The following KDM4C variants were observed in gnomAD, a reference collection of about 807,000 sequenced individuals.
KDM4C encodes the protein lysine demethylase 4C.
Under a neutral mutation model 129.3 loss-of-function variants are expected in KDM4C, and 81 were observed. That is an observed-to-expected ratio of 0.63 (90% CI 0.52 to 0.75). The LOEUF is 0.75. Ranked by LOEUF, KDM4C falls within the 30% of genes least tolerant of loss-of-function variation. The probability of loss-of-function intolerance (pLI) is 0.00; values close to 1 mark genes in which losing one functional copy is unlikely to be tolerated. For synonymous variants in KDM4C, 573 were observed against 456.1 expected (o/e 1.26, Z -3.26); for missense variants, 1,457 against 1,304.0 (o/e 1.12, Z -1.81).
chr9:6,872,080 C>G (rs1006729382), intron 5 of KDM4C, among the ~76,000 whole-genome samples: 6 of 151,940 alleles, frequency 3.9e-5, no homozygotes, highest in African/African-American at 9.7e-5. Context: ...GAGGTTGACA[C>G]CTATGTGAGT....
chr9:7,166,612 A>G (rs1417341546), intron 20 of KDM4C, among the ~76,000 whole-genome samples: 9 of 152,216 alleles, frequency 5.9e-5, no homozygotes, highest in Non-Finnish European at 1.5e-5. Flanking sequence ...AAGACAGGCT[A>G]TAATACCGGA....
intron 8 of KDM4C, among the ~76,000 whole-genome samples, chr9:6,953,015 A>G (rs1462234473): frequency 6.6e-6 from 1 of 152,232 alleles, no homozygotes; most frequent in Non-Finnish European, 1.5e-5. Context: ...TTAAGGCAGC[A>G]GAATGAATAT....
At chr9:6,759,300 G>C (rs1386855964) in intron 1 of KDM4C, among the ~76,000 whole-genome samples, 2 of 152,128 alleles carry the variant, frequency 1.3e-5, no homozygotes, top group African/African-American at 4.8e-5. Context: ...ATTCCGGGCA[G>C]CTTGGCTTTA....
chr9:6,742,022 A>C (rs909148749), intron 1 of KDM4C, among the ~76,000 whole-genome samples: 1 of 148,744 alleles, frequency 6.7e-6, no homozygotes, highest in Non-Finnish European at 1.5e-5. Flanking sequence ...ACCCAGGCTG[A>C]AGTGCAGTGG....
At chr9:6,886,498 C>A (rs1845285690) in intron 6 of KDM4C, among the ~76,000 whole-genome samples, 1 of 125,202 alleles carries the variant, frequency 8.0e-6, no homozygotes, top group Non-Finnish European at 1.9e-5. Flanking sequence ...TTTCTTTTTT[C>A]CTTTTTTTTT....
intron 15 of KDM4C, among the ~76,000 whole-genome samples, chr9:7,023,199 G>A (rs1382243616): frequency 6.6e-6 from 1 of 152,148 alleles, no homozygotes; most frequent in Non-Finnish European, 1.5e-5. Context: ...CTTTTTGGAA[G>A]AGTTTAAGTA....
intron 21 of KDM4C, chr9:7,170,146 A>C (rs891575237): frequency 7.4e-7 from 1 of 1,353,686 alleles, no homozygotes; most frequent in Admixed American, 2.9e-5. Context: ...TTATTGGTGC[A>C]CAAAAATACT....
intron 3 of KDM4C, among the ~76,000 whole-genome samples, chr9:6,807,597 G>C (rs1458590117): frequency 6.7e-6 from 1 of 150,240 alleles, no homozygotes; most frequent in East Asian, 2.0e-4. Context: ...GGTGAGGAGC[G>C]TTTCTGCCCA....
At chr9:6,776,895 C>T (rs1325856225) in intron 1 of KDM4C, among the ~76,000 whole-genome samples, 1 of 152,240 alleles carries the variant, frequency 6.6e-6, no homozygotes, top group Non-Finnish European at 1.5e-5. Context: ...AGCCCGCGTG[C>T]TGGGCCTCAA....
chr9:7,161,993 C>T (rs756861874), intron 19 of KDM4C, among the ~76,000 whole-genome samples: 2 of 152,112 alleles, frequency 1.3e-5, no homozygotes, highest in Non-Finnish European at 2.9e-5. Context: ...TGTTTTACTC[C>T]GAGCTACCTT....
intron 17 of KDM4C, among the ~76,000 whole-genome samples, chr9:7,079,032 T>C (rs766266376): frequency 2.0e-5 from 3 of 152,168 alleles, no homozygotes; most frequent in Non-Finnish European, 4.4e-5. Context: ...GAAAAGCAGG[T>C]TTACAGATTC....
rs571723027 is a variant in KDM4C, at chr9:7,043,868, A to T, written c.2260-2994A>T. 2.0e-5 allele frequency among the ~76,000 whole-genome samples: 3 copies of T among 152,142 alleles called. No homozygotes were observed. In the South Asian group the frequency reaches 6.2e-4, roughly 32 times the overall value. ...CAGCATACTTTACTTAGAAAGTCCCAGTATGTGAAAATGGTCTTTGCATTT... is the reference window on the plus strand; with the variant it reads ...CAGCATACTTTACTTAGAAAGTCCCTGTATGTGAAAATGGTCTTTGCATTT... On this transcript the variant is annotated intron_variant, in intron 15 of 21. Coordinates refer to ENST00000381309, the MANE Select transcript of KDM4C (RefSeq NM_015061.6).
chr9:6,721,113 G>A (rs926464271), intron 1 of KDM4C: 9 of 974,272 alleles, frequency 9.2e-6, no homozygotes, highest in East Asian at 8.1e-5. Context: ...GGTCTCTGTT[G>A]CCCAGGCTAG....
chr9:6,996,400 A>G (rs1005883238), intron 12 of KDM4C, among the ~76,000 whole-genome samples: 1 of 152,184 alleles, frequency 6.6e-6, no homozygotes, highest in African/African-American at 2.4e-5. Context: ...CATCCTGCAC[A>G]TGTGTGCATT....
At chr9:7,106,284 C>G (rs920931481) in intron 18 of KDM4C, among the ~76,000 whole-genome samples, 1 of 152,206 alleles carries the variant, frequency 6.6e-6, no homozygotes, top group Non-Finnish European at 1.5e-5. Context: ...AAATATTTCT[C>G]TTTGTGTAAA....
chr9:6,854,511 G>T (rs1380470156), intron 5 of KDM4C, among the ~76,000 whole-genome samples: 1 of 116,640 alleles, frequency 8.6e-6, no homozygotes, highest in East Asian at 2.6e-4. Context: ...GGCAACAAGA[G>T]CGAAACTCCG....
chr9:6,814,845 G>A lies in KDM4C; in HGVS notation c.435+100G>A, dbSNP rs547958629. On this transcript the variant is annotated intron_variant, in intron 4 of 21. Transcript: ENST00000381309. The stretch of plus-strand genomic sequence containing the variant: ...AAGTGTTCTTTTGTTGTGCTTTTGG[G>A]TGATCCATAATTCCTCAAAGGACAA... The A allele has an allele frequency of 1.8e-4, 110 of 626,052 alleles. No individual in the cohort carries two copies. The South Asian group carries it at 2.2e-3, about 12-fold the overall frequency. 38.8% of individuals were successfully genotyped at this position (626,052 alleles called of 1,614,324 possible).
rs563403622 is a variant in KDM4C, at chr9:7,169,797, G to A, written c.2902-1G>A. On this transcript the variant is annotated splice_acceptor_variant, in intron 20 of 21. Coordinates refer to ENST00000381309, the MANE Select transcript of KDM4C (RefSeq NM_015061.6). LOFTEE classifies it high-confidence loss of function. ...TATCATGTTATATTATCTTTCATTA[G>A]GTTGAGTTTGAAGATGGATCCCAGA... is the stretch of plus-strand genomic sequence containing the variant. 1 of 1,598,374 alleles carries A rather than the reference G, an allele frequency of 6.3e-7. No homozygotes were observed. Among genetic ancestry groups the A allele is most frequent in the South Asian group, 1.1e-5 (1 of 90,058 alleles).
chr9:7,077,111 T>C (rs756507640), intron 17 of KDM4C: 1 of 985,438 alleles, frequency 1.0e-6, no homozygotes, highest in Non-Finnish European at 1.2e-6. Flanking sequence ...TGATATATGC[T>C]ATCGAAACAG....
Sources: gnomAD v4.1 joint callset for allele counts (sites outside exome capture counted in the v4.1 genomes callset) on GRCh38, gnomAD v4.1.1 for gene constraint, MANE v1.5 for transcripts, NCBI Gene and HGNC (gene_info 2026-07-23, HGNC 2026-07-21) for gene names.